Variants in MMAA observed in about 807,000 individuals in gnomAD.
MMAA encodes the protein methylmalonic aciduria type A protein, mitochondrial.
MMAA carries 41 observed loss-of-function variants against 45.0 expected under a neutral mutation model. That is an observed-to-expected ratio of 0.91 (90% CI 0.71 to 1.18). The LOEUF is 1.18. Ranked by LOEUF, MMAA falls within the 50% of genes most tolerant of loss-of-function variation. The pLI, the probability that MMAA is intolerant of heterozygous loss-of-function variation, is 0.00. For synonymous variants in MMAA, 154 were observed against 178.2 expected (o/e 0.86, Z 1.08); for missense variants, 460 against 495.7 (o/e 0.93, Z 0.68).
At position 145,655,169 on chromosome 4, in the gene MMAA, G is replaced by T; in HGVS notation, c.992G>T (p.Ser331Ile). The change falls in exon 7 of 7, where the codon AGT (serine) becomes ATT (isoleucine). Residue 331 changes from serine to isoleucine, a missense_variant. Ser to Ile is a moderately radical substitution (Grantham distance 142, BLOSUM62 -2). Coordinates refer to ENST00000649156, the MANE Select transcript of MMAA (RefSeq NM_172250.3). ...KPKVIRISAR[S>I]GEGISEMWDK... ...TAGGTAATTCGTATTTCTGCCCGAA[G>T]TGGAGAGGGGATCTCTGAAATGTGG... 1 of 1,614,152 alleles carries T rather than the reference G, an allele frequency of 6.2e-7. No homozygotes were observed. Among genetic ancestry groups the T allele is most frequent in the Non-Finnish European group, 8.5e-7 (1 of 1,179,992 alleles).
chr4:145,621,688 A>G (rs1009073648), intron 1 of MMAA, among the ~76,000 whole-genome samples: 38 of 152,330 alleles, frequency 2.5e-4, no homozygotes, highest in South Asian at 6.2e-4. Context: ...CACTTGGTAC[A>G]ACACTGCATT....
chr4:145,655,083 C>A, intron 6 of MMAA, 64 bp from the exon 7 acceptor site: 1 of 1,570,006 alleles, frequency 6.4e-7, no homozygotes, highest in Non-Finnish European at 8.7e-7. Context: ...CAGGTATCAG[C>A]GTCCCTGTAA....
Position 145,639,485 on chromosome 4 carries a change from A to C in MMAA, c.346A>C (p.Lys116Gln), listed in dbSNP as rs759642126. 5.0e-6 allele frequency: 8 copies of C among 1,614,096 alleles called. No homozygotes were observed. In the Admixed American group the frequency reaches 6.7e-5, roughly 13 times the overall value. The change falls in exon 2 of 7, where the codon AAG becomes CAG. Residue 116 changes from lysine to glutamine, a missense_variant. Coordinates refer to ENST00000649156, the MANE Select transcript of MMAA (RefSeq NM_172250.3). ...TGTAGAATCAACTCACAGCAGGAAA[A>C]AGGAGTTAGCCCAGGTGCTTCTTCA... ...TLVESTHSRKKELAQVLLQKV... is the reference protein window; with the variant it reads ...TLVESTHSRKQELAQVLLQKV...
rs759611574 is a variant in MMAA at position 145,642,358 on chromosome 4, C to T, written c.440-5C>T. 11 of 1,613,548 alleles carry T rather than the reference C, an allele frequency of 6.8e-6. No homozygotes were observed. The African/African-American group carries it at 8.0e-5, about 12-fold the overall frequency. ...ATTGAATTAGAAGATCTCTTTCCACCGTAGGATTGTCTGGGCCCCCTGGTG... is the reference window on the plus strand; with the variant it reads ...ATTGAATTAGAAGATCTCTTTCCACTGTAGGATTGTCTGGGCCCCCTGGTG... On this transcript the variant is annotated splice_polypyrimidine_tract_variant and splice_region_variant and intron_variant, in intron 2 of 6. Transcript: ENST00000649156.
chr4:145,633,924 C>G (rs145951314), intron 1 of MMAA, among the ~76,000 whole-genome samples: 15 of 152,250 alleles, frequency 9.9e-5, no homozygotes, highest in African/African-American at 3.4e-4. Flanking sequence ...AACAGAATCT[C>G]TGTCTGTTTT....
chr4:145,652,413 T>A (rs1239037922), intron 5 of MMAA, among the ~76,000 whole-genome samples: 2 of 152,106 alleles, frequency 1.3e-5, no homozygotes, highest in African/African-American at 2.4e-5. Flanking sequence ...CAGTCTCCCA[T>A]CCTGAGTGAT....
intron 5 of MMAA, among the ~76,000 whole-genome samples, chr4:145,652,214 ATCACCAACCAGAAGGCTCC>A (rs1728112303): frequency 6.6e-6 from 1 of 152,170 alleles, no homozygotes; most frequent in East Asian, 1.9e-4. Flanking sequence ...ATTGATGTGT[ATCACCAACCAGAAGGCTCC>A]CCTGAGCTTT....
In MMAA at chr4:145,628,764, C is replaced by T. The variant is rs147906753; in HGVS notation, c.-66+9357C>T. On this transcript the variant is annotated intron_variant, in intron 1 of 6. Coordinates refer to ENST00000649156, the MANE Select transcript of MMAA (RefSeq NM_172250.3). ...GCCATTATTCTGCCTATCATAGTAA[C>T]ATATGCTGTTTTTAAAAAAGCAGAA... 1.1e-4 allele frequency among the ~76,000 whole-genome samples: 16 copies of T among 152,230 alleles called. No homozygotes were observed. The East Asian group carries it at 3.1e-3, about 29-fold the overall frequency.
chr4:145,624,214 A>G (rs1345912437), intron 1 of MMAA: 2 of 830,406 alleles, frequency 2.4e-6, no homozygotes, highest in African/African-American at 1.7e-5. Context: ...TTTAAGCTGC[A>G]TACAGGCAAA....
intron 1 of MMAA, among the ~76,000 whole-genome samples, chr4:145,629,860 AT>A (rs530555021): frequency 1.2e-3 from 188 of 152,138 alleles, no homozygotes; most frequent in African/African-American, 4.4e-3. Context: ...CACCCCCATA[AT>A]TCAGTCATTT....
chr4:145,627,397 T>C (rs1734226147), intron 1 of MMAA, among the ~76,000 whole-genome samples: 1 of 152,174 alleles, frequency 6.6e-6, no homozygotes, highest in Non-Finnish European at 1.5e-5. Flanking sequence ...GTTAAGATTG[T>C]TACCCAAACT....
intron 1 of MMAA, among the ~76,000 whole-genome samples, chr4:145,622,010 T>C (rs1381221153): frequency 6.6e-6 from 1 of 152,168 alleles, no homozygotes; most frequent in Non-Finnish European, 1.5e-5. Flanking sequence ...CCATGCAGAA[T>C]TATGGTGTAC....
intron 3 of MMAA, 67 bp downstream of exon 3, chr4:145,642,552 T>C (rs1249159185): frequency 1.0e-5 from 16 of 1,606,252 alleles, no homozygotes; most frequent in Middle Eastern, 1.6e-4. Context: ...TTAGTAGGAA[T>C]TGGCACAGTT....
At chr4:145,624,312 T>G in intron 1 of MMAA, 1 of 792,694 alleles carries the variant, frequency 1.3e-6, no homozygotes, top group South Asian at 1.3e-5. Flanking sequence ...CTTCTAGGTC[T>G]TCTTTCGAAG....
chr4:145,645,959 A>G (rs1163572056), intron 3 of MMAA, 27 bp from the exon 4 acceptor site: 2 of 1,611,692 alleles, frequency 1.2e-6, no homozygotes, highest in Admixed American at 3.3e-5. Flanking sequence ...CTGTTCCATG[A>G]TTATAAAATG....
chr4:145,633,458 A>C (rs529619650), intron 1 of MMAA, among the ~76,000 whole-genome samples: 1 of 152,196 alleles, frequency 6.6e-6, no homozygotes, highest in South Asian at 2.1e-4. Context: ...TCGGCCTCCC[A>C]AAGTGCTGGG....
Position 145,639,258 on chromosome 4 carries a change from G to A in MMAA, c.119G>A (p.Cys40Tyr). The A allele has an allele frequency of 1.2e-6, 2 of 1,614,128 alleles. No homozygotes were observed. Among genetic ancestry groups the A allele is most frequent in the Non-Finnish European group, 1.7e-6 (2 of 1,180,022 alleles). The change falls in exon 2 of 7, where the codon TGT becomes TAT. Residue 40 changes from cysteine (C) to tyrosine (Y), a missense_variant. Coordinates refer to ENST00000649156, the MANE Select transcript of MMAA (RefSeq NM_172250.3). ...ACTCATCTCGGATCAGGAATCCCAT[G>A]TGCTCAGCCGTTTAATTCTCTTGGA... ...SSTHLGSGIP[C>Y]AQPFNSLGLH...
intron 6 of MMAA, 85 bp downstream of exon 6, chr4:145,654,228 T>C (rs1157752352): frequency 1.4e-5 from 20 of 1,464,228 alleles, no homozygotes; most frequent in Non-Finnish European, 3.8e-6. Context: ...ACTAGACATA[T>C]AATCAATCTT....
rs532407633 is a variant in MMAA at position 145,639,381 on chromosome 4, A to C, written c.242A>C (p.Lys81Thr). 24 of 1,614,212 alleles carry C rather than the reference A, an allele frequency of 1.5e-5. 1 individual carries two copies. In the East Asian group the frequency reaches 1.6e-4, roughly 10 times the overall value. ...LKDHTEGLSDKEQRFVDKLYT... is the reference protein window; with the variant it reads ...LKDHTEGLSDTEQRFVDKLYT... Reference sequence around the variant, plus strand: ...GACCACACAGAAGGACTTTCTGATAAAGAGCAAAGATTTGTGGATAAACTT... The same window carrying C: ...GACCACACAGAAGGACTTTCTGATACAGAGCAAAGATTTGTGGATAAACTT... Residue 81 changes from lysine to threonine, a missense_variant, in exon 2 of 7, where the codon AAA becomes ACA. By Grantham distance (78) the Lys-to-Thr change is moderately conservative. Transcript: ENST00000649156.
Sources: gnomAD v4.1 joint callset for allele counts (sites outside exome capture counted in the v4.1 genomes callset) on GRCh38, gnomAD v4.1.1 for gene constraint, MANE v1.5 for transcripts, NCBI Gene and HGNC (gene_info 2026-07-23, HGNC 2026-07-21) for gene names.